Variants in CNTN5 observed in about 807,000 individuals in gnomAD.
The protein encoded by CNTN5 is contactin 5.
In CNTN5, 77 loss-of-function variants were observed where a neutral mutation model predicts 129.1. The observed-to-expected ratio is 0.60, with a 90% confidence interval of 0.50 to 0.72. The LOEUF (loss-of-function observed/expected upper bound fraction) is 0.72, where lower values mean the gene tolerates loss of function less well. CNTN5 is among the 30% of genes least tolerant of loss of function. The probability of loss-of-function intolerance (pLI) is 0.00; values close to 1 mark genes in which losing one functional copy is unlikely to be tolerated. For missense variants in CNTN5, 1,478 were observed against 1,328.8 expected (o/e 1.11, Z -1.75); for synonymous variants, 509 against 465.6 (o/e 1.09, Z -1.20).
chr11:99,271,651 G>A (rs1363150483), intron 1 of CNTN5, among the ~76,000 whole-genome samples: 1 of 151,742 alleles, frequency 6.6e-6, no homozygotes, highest in Admixed American at 6.6e-5. Flanking sequence ...TGTTGGCTGG[G>A]GCTGTAGTGA....
intron 3 of CNTN5, among the ~76,000 whole-genome samples, chr11:99,716,170 A>G (rs150607463): frequency 1.8e-4 from 28 of 152,104 alleles, no homozygotes; most frequent in African/African-American, 6.0e-4. Context: ...GTGAACTCTT[A>G]GGTCAGCAAT....
intron 2 of CNTN5, among the ~76,000 whole-genome samples, chr11:99,354,925 G>T (rs567580788): frequency 2.0e-5 from 3 of 152,166 alleles, no homozygotes; most frequent in African/African-American, 4.8e-5. Flanking sequence ...CCATCCTTTA[G>T]CCCTACCCCT....
Position 99,739,353 on chromosome 11 carries a change from A to G in CNTN5, c.56-80191A>G, listed in dbSNP as rs146571007. 3.8e-3 allele frequency among the ~76,000 whole-genome samples: 581 copies of G among 152,266 alleles called. 2 individuals are homozygous for G. Among genetic ancestry groups the G allele is most frequent in the Non-Finnish European group, 6.0e-3 (407 of 68,006 alleles). ...CTCAATTATTAAATATATAAAATCTAGCTTTTACTTTAAAGAAGTACATAG... is the reference window on the plus strand; with the variant it reads ...CTCAATTATTAAATATATAAAATCTGGCTTTTACTTTAAAGAAGTACATAG... On this transcript the variant is annotated intron_variant, in intron 3 of 24. Transcript: ENST00000524871.
chr11:99,028,267 T>G (rs2135076510), intron 1 of CNTN5, among the ~76,000 whole-genome samples: 1 of 151,960 alleles, frequency 6.6e-6, no homozygotes, highest in East Asian at 1.9e-4. Flanking sequence ...CCACAGTGAG[T>G]AATTTAATGC....
chr11:99,660,357 T>C (rs1272598456), intron 3 of CNTN5, among the ~76,000 whole-genome samples: 2 of 152,118 alleles, frequency 1.3e-5, no homozygotes, highest in African/African-American at 4.8e-5. Flanking sequence ...AGATTACAAA[T>C]TGGCCTGAGG....
chr11:99,382,842 T>A (rs749880908), intron 2 of CNTN5, among the ~76,000 whole-genome samples: 1 of 117,322 alleles, frequency 8.5e-6, no homozygotes, highest in Non-Finnish European at 1.8e-5. Context: ...TGTCTCTAAA[T>A]AACTTTTTTT....
chr11:99,936,979 C>T (rs1312116650), intron 7 of CNTN5, among the ~76,000 whole-genome samples: 2 of 151,980 alleles, frequency 1.3e-5, no homozygotes, highest in Admixed American at 1.3e-4. Context: ...ATGAGACGCA[C>T]AGGGATGATT....
At chr11:99,531,171 G>C (rs987764363) in intron 2 of CNTN5, among the ~76,000 whole-genome samples, 3 of 152,204 alleles carry the variant, frequency 2.0e-5, no homozygotes, top group Non-Finnish European at 4.4e-5. Flanking sequence ...CTCAGATGGA[G>C]ATGAGGAACT....
intron 13 of CNTN5, among the ~76,000 whole-genome samples, chr11:100,075,291 A>T (rs1944083602): frequency 6.6e-6 from 1 of 152,126 alleles, no homozygotes. Flanking sequence ...TACTGGCTTC[A>T]GCTTAGACCC....
intron 2 of CNTN5, among the ~76,000 whole-genome samples, chr11:99,448,597 G>A (rs568546976): frequency 0.011 from 1,648 of 151,710 alleles, 37 homozygotes; most frequent in African/African-American, 0.037. Context: ...CCCTACCCTA[G>A]GAACCTGCAT....
chr11:100,153,341 A>G (rs1042484434), intron 13 of CNTN5, among the ~76,000 whole-genome samples: 1 of 152,116 alleles, frequency 6.6e-6, no homozygotes, highest in African/African-American at 2.4e-5. Flanking sequence ...TTGGAGTACA[A>G]GTACTTTTAA....
chr11:100,244,107 C>T (rs568828384), intron 16 of CNTN5, among the ~76,000 whole-genome samples: 7 of 151,960 alleles, frequency 4.6e-5, no homozygotes, highest in African/African-American at 1.7e-4. Context: ...AATTAAGTAC[C>T]AACTCATTGC....
At chr11:100,092,035 A>G (rs1565232174) in intron 13 of CNTN5, among the ~76,000 whole-genome samples, 1 of 152,122 alleles carries the variant, frequency 6.6e-6, no homozygotes, top group Non-Finnish European at 1.5e-5. Flanking sequence ...GAAAAAATAT[A>G]ATAACAAAAA....
intron 8 of CNTN5, among the ~76,000 whole-genome samples, chr11:99,965,918 A>C (rs1951081851): frequency 6.6e-6 from 1 of 152,190 alleles, no homozygotes; most frequent in African/African-American, 2.4e-5. Flanking sequence ...TGTTTTCCTA[A>C]GTAGATGGCA....
At chr11:99,736,937 A>G (rs866006069) in intron 3 of CNTN5, among the ~76,000 whole-genome samples, 4 of 152,242 alleles carry the variant, frequency 2.6e-5, no homozygotes, top group Middle Eastern at 6.8e-3. Context: ...ACCAAAATAC[A>G]TAAGAAAATC....
At chr11:100,022,896 A>T (rs1013560350) in intron 9 of CNTN5, among the ~76,000 whole-genome samples, 2 of 152,070 alleles carry the variant, frequency 1.3e-5, no homozygotes, top group African/African-American at 4.8e-5. Flanking sequence ...TGTTACTCTT[A>T]TATCTGTTCC....
intron 1 of CNTN5, among the ~76,000 whole-genome samples, chr11:99,132,278 C>G (rs767714481): frequency 6.6e-6 from 1 of 151,686 alleles, no homozygotes; most frequent in Non-Finnish European, 1.5e-5. Context: ...CCATTTATGA[C>G]AAATCCAGAT....
chr11:100,163,079 A>T (rs979086385), intron 13 of CNTN5, among the ~76,000 whole-genome samples: 1 of 151,810 alleles, frequency 6.6e-6, no homozygotes, highest in Non-Finnish European at 1.5e-5. Context: ...TTTTTAGAGT[A>T]CTTGGCAAAA....
chr11:100,009,915 A>G (rs914948214), intron 9 of CNTN5, among the ~76,000 whole-genome samples: 5 of 152,172 alleles, frequency 3.3e-5, no homozygotes, highest in African/African-American at 1.2e-4. Context: ...ACATTATTAC[A>G]TAACATTTCA....
Sources: gnomAD v4.1 joint callset for allele counts (sites outside exome capture counted in the v4.1 genomes callset) on GRCh38, gnomAD v4.1.1 for gene constraint, MANE v1.5 for transcripts, NCBI Gene and HGNC (gene_info 2026-07-23, HGNC 2026-07-21) for gene names.